Variants in LGALS7B observed in about 807,000 individuals in gnomAD.
LGALS7B encodes galectin-7.
Under a neutral mutation model 7.6 loss-of-function variants are expected in LGALS7B, and 1 was observed. The observed-to-expected ratio is 0.13, with a 90% CI of 0.05 to 0.62. LGALS7B has a LOEUF of 0.62. Among genes scored for constraint, LGALS7B ranks in the 20% least tolerant of loss-of-function variants. The pLI, the probability that LGALS7B is intolerant of heterozygous loss-of-function variation, is 0.87. For missense variants in LGALS7B, 17 were observed against 109.4 expected, an observed-to-expected ratio of 0.16 and a Z score of 3.77; for synonymous variants, 7 against 49.6, an observed-to-expected ratio of 0.14 and a Z score of 3.61.
At position 38,789,216 on chromosome 19, in the gene LGALS7B, C is replaced by T. The variant is rs1468305641; in HGVS notation, c.-11C>T. The T allele has an allele frequency of 1.5e-5, 14 of 947,916 alleles. No individual in the cohort carries two copies. In the East Asian group the frequency reaches 1.7e-4, roughly 11 times the overall value. 58.7% of individuals were successfully genotyped at this position (947,916 alleles called of 1,614,324 possible). Reference sequence around the variant, plus strand: ...GCCCCACCACCACGGCTGCCCAACCCGGTCCCAGCCATGTCCGTGAGTGCT... The same window carrying T: ...GCCCCACCACCACGGCTGCCCAACCTGGTCCCAGCCATGTCCGTGAGTGCT... On this transcript the variant is annotated 5_prime_UTR_variant, in exon 1 of 4. Coordinates refer to ENST00000314980, the MANE Select transcript of LGALS7B (RefSeq NM_001042507.4).
chr19:38,790,067 T>C (rs1231700272), intron 2 of LGALS7B, among the ~76,000 whole-genome samples: 1 of 115,558 alleles, frequency 8.7e-6, no homozygotes, highest in Non-Finnish European at 1.8e-5. Flanking sequence ...ACTTCGGGCC[T>C]TCTGGATTCT....
chr19:38,790,681 T>A lies in LGALS7B; in HGVS notation c.96-8T>A. 2 of 1,613,614 alleles carry A rather than the reference T, an allele frequency of 1.2e-6. No individual in the cohort carries two copies. Among genetic ancestry groups the A allele is most frequent in the African/African-American group, 2.7e-5 (2 of 75,068 alleles). ...TGAGCCCTGACGGCCACCATCCCCC[T>A]CTTCCAGGTTCCATGTAAACCTGCT... On this transcript the variant is annotated splice_polypyrimidine_tract_variant and splice_region_variant and intron_variant, in intron 2 of 3. Transcript: ENST00000314980.
At position 38,790,692 on chromosome 19, in the gene LGALS7B, C is replaced by G; in HGVS notation, c.99C>G (p.Phe33Leu). The change falls in exon 3 of 4, where the codon TTC becomes TTG. Residue 33 changes from phenylalanine to leucine, a missense_variant. Transcript: ENST00000314980. The stretch of plus-strand genomic sequence containing the variant: ...GGCCACCATCCCCCTCTTCCAGGTT[C>G]CATGTAAACCTGCTGTGCGGGGAGG... The part of the protein sequence containing the change: ...RGLVPPNASR[F>L]HVNLLCGEEQ... 2 of 1,613,644 alleles carry G rather than the reference C, an allele frequency of 1.2e-6. No homozygotes were observed. The highest frequency in any genetic ancestry group is 1.7e-6 in the Non-Finnish European group (2 of 1,179,866).
Sources: allele counts gnomAD v4.1 joint callset (sites outside exome capture counted in the v4.1 genomes callset), GRCh38; gene constraint gnomAD v4.1.1; transcripts MANE v1.5; gene names NCBI Gene and HGNC (gene_info 2026-07-23, HGNC 2026-07-21).